SESN1: variants seen among roughly 807,000 people sequenced by gnomAD.
SESN1 encodes the protein sestrin-1.
In SESN1, 30 loss-of-function variants were observed where a neutral mutation model predicts 59.3. That is an observed-to-expected ratio of 0.51 (90% CI 0.38 to 0.69). The LOEUF is 0.69. SESN1 is among the 30% of genes least tolerant of loss of function. SESN1 has a pLI of 0.00. For synonymous variants in SESN1, 197 were observed against 219.9 expected, an observed-to-expected ratio of 0.90 and a Z score of 0.92; for missense variants, 566 against 673.0, an observed-to-expected ratio of 0.84 and a Z score of 1.76.
At chr6:109,071,309 G>T (rs1780930218) in intron 1 of SESN1, among the ~76,000 whole-genome samples, 1 of 150,988 alleles carries the variant, frequency 6.6e-6, no homozygotes, top group Non-Finnish European at 1.5e-5. Flanking sequence ...AAGAAGAGGT[G>T]CTATTTTAGA....
rs139634530 is a variant in SESN1, at chr6:109,032,566, C to T, written c.280-30223G>A. On this transcript the variant is annotated intron_variant, in intron 1 of 9. Coordinates refer to ENST00000436639, the MANE Select transcript of SESN1 (RefSeq NM_014454.3). ...CCAGGAGGCGGAGGTTGCAATGAGC[C>T]GAGATTGGGCCATTGCACTCTAGCC... is the stretch of plus-strand genomic sequence containing the variant. 1.9e-3 allele frequency among the ~76,000 whole-genome samples: 277 copies of T among 147,502 alleles called. 2 individuals are homozygous for T. The highest frequency in any genetic ancestry group is 5.0e-3 in the Admixed American group (74 of 14,910).
intron 1 of SESN1, among the ~76,000 whole-genome samples, chr6:109,067,821 C>T (rs1780860107): frequency 1.3e-5 from 2 of 152,156 alleles, no homozygotes; most frequent in African/African-American, 4.8e-5. Flanking sequence ...TCTATTTGCC[C>T]CTGCAAAGTA....
chr6:108,989,743 A>G (rs895186724), intron 8 of SESN1, among the ~76,000 whole-genome samples: 8 of 152,232 alleles, frequency 5.3e-5, no homozygotes, highest in African/African-American at 1.9e-4. Context: ...AGGATGGTCT[A>G]TACTTAGGAG....
At position 109,026,647 on chromosome 6, in the gene SESN1, G is replaced by T. The variant is rs566690825; in HGVS notation, c.280-24304C>A. 3.9e-5 allele frequency among the ~76,000 whole-genome samples: 6 copies of T among 152,168 alleles called. 1 individual carries two copies. The South Asian group carries it at 1.2e-3, about 32-fold the overall frequency. On this transcript the variant is annotated intron_variant, in intron 1 of 9. Coordinates refer to ENST00000436639, the MANE Select transcript of SESN1 (RefSeq NM_014454.3). ...AGCCTCCCGAGTAGCTAGGACTACA[G>T]GCGTGCGCCACCATGCCCAACTAAT...
chr6:109,011,118 A>G (rs754211017), intron 1 of SESN1, among the ~76,000 whole-genome samples: 1 of 152,232 alleles, frequency 6.6e-6, no homozygotes, highest in African/African-American at 2.4e-5. Flanking sequence ...TGACATTTGT[A>G]AAATGAAGAA....
At chr6:109,036,446 T>C (rs903613310) in intron 1 of SESN1, among the ~76,000 whole-genome samples, 3 of 152,166 alleles carry the variant, frequency 2.0e-5, no homozygotes, top group African/African-American at 7.2e-5. Context: ...GGCACTAATA[T>C]TGTTACACAC....
intron 1 of SESN1, among the ~76,000 whole-genome samples, chr6:109,026,259 T>A (rs1286695301): frequency 1.3e-5 from 2 of 152,144 alleles, no homozygotes; most frequent in Non-Finnish European, 2.9e-5. Flanking sequence ...CAACAGATCC[T>A]CAACTGAAGG....
chr6:108,992,175 C>T (rs755111140), intron 7 of SESN1, among the ~76,000 whole-genome samples: 1 of 152,176 alleles, frequency 6.6e-6, no homozygotes, highest in South Asian at 2.1e-4. Flanking sequence ...CACAACTCAC[C>T]GCAGCCTCAA....
intron 1 of SESN1, among the ~76,000 whole-genome samples, chr6:109,031,660 G>C (rs1562464205): frequency 1.3e-5 from 2 of 152,184 alleles, no homozygotes; most frequent in Non-Finnish European, 2.9e-5. Flanking sequence ...CAGTGAGCTA[G>C]CCAGTCTCCC....
chr6:109,093,733 T>A, intron 1 of SESN1, 62 bp downstream of exon 1: 1 of 1,502,342 alleles, frequency 6.7e-7, no homozygotes, highest in Non-Finnish European at 9.1e-7. Context: ...ACAACGTGAA[T>A]AACGGCAAGT....
At chr6:108,987,780 T>A (rs1195924339) in intron 9 of SESN1, 150 bp from the exon 10 acceptor site, 2 of 457,512 alleles carry the variant, frequency 4.4e-6, no homozygotes, top group Admixed American at 8.2e-5. Flanking sequence ...TTGAACAGAT[T>A]ATAAATTTCT....
chr6:109,011,171 T>C (rs1779851955), intron 1 of SESN1, among the ~76,000 whole-genome samples: 1 of 152,238 alleles, frequency 6.6e-6, no homozygotes, highest in Non-Finnish European at 1.5e-5. Context: ...GGGAAAAGCA[T>C]GCATTCAGTT....
intron 1 of SESN1, 83 bp downstream of exon 1, chr6:109,093,712 T>C: frequency 5.1e-6 from 7 of 1,373,002 alleles, no homozygotes; most frequent in Middle Eastern, 1.9e-4. Flanking sequence ...AACAACCTAA[T>C]AGAAACAAAC....
At chr6:109,082,523 C>A (rs1433211231) in intron 1 of SESN1, among the ~76,000 whole-genome samples, 1 of 152,180 alleles carries the variant, frequency 6.6e-6, no homozygotes, top group Non-Finnish European at 1.5e-5. Context: ...TGTCCAGGTA[C>A]TGAAGCACAA....
intron 1 of SESN1, chr6:109,009,294 G>A: frequency 7.2e-7 from 1 of 1,388,330 alleles, no homozygotes; most frequent in Non-Finnish European, 9.4e-7. Flanking sequence ...GTTGCACAGG[G>A]CAGCTCGGCC....
chr6:108,996,352 T>C (rs1192538785), intron 5 of SESN1, among the ~76,000 whole-genome samples: 1 of 152,204 alleles, frequency 6.6e-6, no homozygotes, highest in Non-Finnish European at 1.5e-5. Flanking sequence ...TTGTGGTGCA[T>C]GCATGCATTT....
intron 1 of SESN1, among the ~76,000 whole-genome samples, chr6:109,061,143 TA>T (rs1410664071): frequency 6.6e-6 from 1 of 152,222 alleles, no homozygotes; most frequent in East Asian, 1.9e-4. Flanking sequence ...GTACATAATC[TA>T]AAATTAAAGC....
chr6:109,036,348 A>G (rs1331191385), intron 1 of SESN1, among the ~76,000 whole-genome samples: 1 of 152,226 alleles, frequency 6.6e-6, no homozygotes, highest in Non-Finnish European at 1.5e-5. Context: ...GTTTCAAATA[A>G]TTAATATGAA....
At chr6:109,008,719 G>GA (rs1425941440) in intron 1 of SESN1, 42 of 961,366 alleles carry the variant, frequency 4.4e-5, no homozygotes, top group Non-Finnish European at 4.7e-5. Context: ...CAACCACTTA[G>GA]AAAAAAACAC....
Sources: allele counts gnomAD v4.1 joint callset (sites outside exome capture counted in the v4.1 genomes callset), GRCh38; gene constraint gnomAD v4.1.1; transcripts MANE v1.5; gene names NCBI Gene and HGNC (gene_info 2026-07-23, HGNC 2026-07-21).